The following RYR3 variants were observed in gnomAD, a reference collection of about 807,000 sequenced individuals.
The protein encoded by RYR3 is ryanodine receptor 3.
A neutral mutation model predicts 584.3 loss-of-function variants in RYR3; 207 were observed. The observed-to-expected ratio is 0.35, with a 90% CI of 0.32 to 0.40. The LOEUF is 0.40. Among genes scored for constraint, RYR3 ranks in the 10% least tolerant of loss-of-function variants. RYR3 has a pLI of 1.00. For synonymous variants in RYR3, 2,416 were observed against 2,248.5 expected, an observed-to-expected ratio of 1.07 and a Z score of -2.11; for missense variants, 5,616 against 6,089.2, an observed-to-expected ratio of 0.92 and a Z score of 2.59.
At position 33,864,643 on chromosome 15, in the gene RYR3, A is replaced by AAAAAG. The variant is rs1366975541; in HGVS notation, c.14517+458_14517+462dup. On this transcript the variant is annotated intron_variant, in intron 103 of 103. Transcript: ENST00000634891. ...GTGTCAAATTTTGTGACTAAATGTG[A>AAAAAG]AAAAGAAATGGAAAGGTAGAGAACA... The AAAAAG allele has an allele frequency of 1.7e-5, 3 of 175,170 alleles. No homozygotes were observed. The East Asian group carries it at 4.6e-4, about 27-fold the overall frequency. 10.9% of individuals were successfully genotyped at this position (175,170 alleles called of 1,614,324 possible). A position where few individuals can be genotyped will look rare whatever the true frequency, so the allele number is the denominator to read the frequency against.
intron 42 of RYR3, among the ~76,000 whole-genome samples, chr15:33,705,858 A>G (rs913979065): frequency 2.0e-5 from 3 of 152,252 alleles, no homozygotes; most frequent in Non-Finnish European, 4.4e-5. Flanking sequence ...TTGCAATACC[A>G]TGGCCAAGTG....
At chr15:33,351,528 G>A (rs1489223208) in intron 1 of RYR3, among the ~76,000 whole-genome samples, 4 of 150,694 alleles carry the variant, frequency 2.7e-5, no homozygotes, top group Admixed American at 6.6e-5. Context: ...CTGGCAAACC[G>A]AATCCAGCAG....
chr15:33,352,778 C>T (rs1973450359), intron 1 of RYR3, among the ~76,000 whole-genome samples: 1 of 152,136 alleles, frequency 6.6e-6, no homozygotes. Context: ...AAACAGATAC[C>T]TATGCCCACT....
At chr15:33,705,060 A>C (rs1398811715) in intron 42 of RYR3, among the ~76,000 whole-genome samples, 1 of 151,550 alleles carries the variant, frequency 6.6e-6, no homozygotes, top group East Asian at 1.9e-4. Context: ...ACCCCAACAC[A>C]TACACACACG....
chr15:33,500,538 C>T (rs1440093696), intron 2 of RYR3, among the ~76,000 whole-genome samples: 3 of 152,144 alleles, frequency 2.0e-5, no homozygotes, highest in Non-Finnish European at 2.9e-5. Flanking sequence ...CTCAAGGTTT[C>T]CTGTAGGACA....
chr15:33,534,532 A>G (rs930030302), intron 5 of RYR3, among the ~76,000 whole-genome samples: 19 of 152,226 alleles, frequency 1.2e-4, no homozygotes, highest in African/African-American at 4.6e-4. Context: ...TTTTTTTAGT[A>G]TAGTCAAAAA....
At chr15:33,442,890 A>G (rs1180149457) in intron 1 of RYR3, among the ~76,000 whole-genome samples, 1 of 152,212 alleles carries the variant, frequency 6.6e-6, no homozygotes, top group African/African-American at 2.4e-5. Context: ...ACAGTAGAAC[A>G]CAGTTGTTCT....
chr15:33,813,753 A>G (rs1596749755), intron 74 of RYR3, 174 bp downstream of exon 74: 4 of 561,816 alleles, frequency 7.1e-6, no homozygotes, highest in Non-Finnish European at 9.5e-6. Flanking sequence ...CAAGGTAAGC[A>G]TAAAAACTGA....
intron 58 of RYR3, among the ~76,000 whole-genome samples, chr15:33,755,612 T>A (rs2071740871): frequency 6.7e-6 from 1 of 150,062 alleles, no homozygotes; most frequent in African/African-American, 2.5e-5. Flanking sequence ...TAAGATTCTA[T>A]CTCAAAACAA....
At position 33,580,317 on chromosome 15, in the gene RYR3, G is replaced by A. The variant is rs16972712; in HGVS notation, c.1437+173G>A. Among the ~76,000 whole-genome samples the A allele has an allele frequency of 2.8e-3, 426 of 152,262 alleles. 1 individual carries two copies. Among genetic ancestry groups the A allele is most frequent in the African/African-American group, 9.9e-3 (411 of 41,568 alleles). On this transcript the variant is annotated intron_variant, in intron 13 of 103. Coordinates refer to ENST00000634891, the MANE Select transcript of RYR3 (RefSeq NM_001036.6). ...CCAACCTTCCCTGTCCACCAAACCT[G>A]GTTACATTAGCAATGGCTGGCACGT... is the stretch of plus-strand genomic sequence containing the variant.
intron 3 of RYR3, among the ~76,000 whole-genome samples, chr15:33,516,545 A>G (rs1023795279): frequency 3.3e-5 from 5 of 151,992 alleles, no homozygotes; most frequent in Admixed American, 3.3e-4. Flanking sequence ...CATGTTGGCC[A>G]AGCTGGTCTT....
At position 33,731,521 on chromosome 15, in the gene RYR3, A is replaced by G. The variant is rs2068952534; in HGVS notation, c.7251A>G (p.Ile2417Met). 2 of 1,613,586 alleles carry G rather than the reference A, an allele frequency of 1.2e-6. No individual in the cohort carries two copies. Among genetic ancestry groups the G allele is most frequent in the Non-Finnish European group, 1.7e-6 (2 of 1,179,790 alleles). The change falls in exon 48 of 104, where the codon ATA becomes ATG. Residue 2417 changes from isoleucine (I) to methionine (M), a missense_variant. Coordinates refer to ENST00000634891, the MANE Select transcript of RYR3 (RefSeq NM_001036.6). ...CTGCGCTTGCACTAAATAGGTATAT[A>G]TGTTCTGCTGTGCTCCCGCTCCTCA... is the stretch of plus-strand genomic sequence containing the variant. ...TEAALALNRY[I>M]CSAVLPLLTR... is the part of the protein sequence containing the mutation.
At chr15:33,398,301 T>C (rs2676070) in intron 1 of RYR3, among the ~76,000 whole-genome samples, 41,215 of 152,094 alleles carry the variant, frequency 0.27, 6,627 homozygotes, top group African/African-American at 0.45. Context: ...CCATCCACAA[T>C]GCTGTGGGTA....
intron 38 of RYR3, among the ~76,000 whole-genome samples, chr15:33,694,189 T>C (rs2065656197): frequency 6.6e-6 from 1 of 151,682 alleles, no homozygotes; most frequent in African/African-American, 2.4e-5. Flanking sequence ...ATTATTTCTT[T>C]TGTGCTCTCA....
chr15:33,569,760 A>G (rs1163267520), intron 12 of RYR3, among the ~76,000 whole-genome samples: 3 of 152,130 alleles, frequency 2.0e-5, no homozygotes, highest in Admixed American at 2.0e-4. Flanking sequence ...ATTTGTTACT[A>G]TCTGACTTTT....
At chr15:33,645,708 T>A (rs1213732125) in intron 28 of RYR3, among the ~76,000 whole-genome samples, 1 of 152,116 alleles carries the variant, frequency 6.6e-6, no homozygotes, top group Non-Finnish European at 1.5e-5. Context: ...TTCCCTTGTA[T>A]CCCCCCATTT....
intron 18 of RYR3, among the ~76,000 whole-genome samples, chr15:33,605,809 A>C (rs1358587187): frequency 6.6e-6 from 1 of 152,218 alleles, no homozygotes; most frequent in Non-Finnish European, 1.5e-5. Context: ...TCTTATGAAA[A>C]GGTAATTGAT....
rs770156777 is a variant in RYR3, at chr15:33,646,401, G to A, written c.3816G>A (p.Thr1272=). Residue 1272 remains threonine, a synonymous_variant, in exon 29 of 104, where the codon ACG becomes ACA. Transcript: ENST00000634891. ...TMDSPPCLKV[T]HKTFGTQNSN... ...ACAGCCCTCCGTGTCTCAAGGTGAC[G>A]CATAAGACATTTGGCACACAGAATA... is the stretch of plus-strand genomic sequence containing the variant. 31 of 1,613,528 alleles carry A rather than the reference G, an allele frequency of 1.9e-5. 1 individual carries two copies. Among genetic ancestry groups the A allele is most frequent in the East Asian group, 1.3e-4 (6 of 44,884 alleles).
chr15:33,566,854 ACAC>A, intron 12 of RYR3, 55 bp downstream of exon 12: 2 of 1,594,136 alleles, frequency 1.3e-6, no homozygotes, highest in Non-Finnish European at 1.7e-6. Context: ...TGGCCTGCCA[ACAC>A]CACCACCCAC....
Sources: allele counts gnomAD v4.1 joint callset (sites outside exome capture counted in the v4.1 genomes callset), GRCh38; gene constraint gnomAD v4.1.1; transcripts MANE v1.5; gene names NCBI Gene and HGNC (gene_info 2026-07-23, HGNC 2026-07-21).